The following NAV2 variants were observed in gnomAD, a reference collection of about 807,000 sequenced individuals.
NAV2 encodes neuron navigator 2, also known as helicase, APC down-regulated 1.
Under a neutral mutation model 223.2 loss-of-function variants are expected in NAV2, and 54 were observed. The ratio of observed to expected loss-of-function variants is 0.24; its 90% CI spans 0.19 to 0.30. The LOEUF is 0.30. NAV2 is among the 10% of genes least tolerant of loss of function. The probability of loss-of-function intolerance (pLI) is 1.00; values close to 1 mark genes in which losing one functional copy is unlikely to be tolerated. For synonymous variants in NAV2, 1,279 were observed against 1,239.3 expected (o/e 1.03, Z -0.67); for missense variants, 2,806 against 3,147.5 (o/e 0.89, Z 2.60).
At position 19,457,119 on chromosome 11, in the gene NAV2, GACA is replaced by G. The variant is rs60731818; in HGVS notation, c.75+106096_75+106098del. On this transcript the variant is annotated intron_variant, in intron 1 of 37. Transcript: ENST00000360655. ...CAGGGATACAGGGATAAGTGAGACA[GACA>G]ACATCTCTACTCTCATAGAGTTTAT... Among the ~76,000 whole-genome samples the G allele has an allele frequency of 2.4e-3, 361 of 152,312 alleles. 1 individual carries two copies. The highest frequency in any genetic ancestry group is 8.4e-3 in the African/African-American group (350 of 41,560).
chr11:20,047,890 A>T (rs1026757912), intron 14 of NAV2, among the ~76,000 whole-genome samples: 1 of 152,226 alleles, frequency 6.6e-6, no homozygotes, highest in South Asian at 2.1e-4. Flanking sequence ...GAGCCTTTGC[A>T]TTACTAGAAT....
rs1391834415 is a variant in NAV2 at position 19,695,490 on chromosome 11, A to C, written c.76-136994A>C. The stretch of plus-strand genomic sequence containing the variant: ...ATCCTGACTTCAGGTCATTCTATGC[A>C]TTTTAATACAGCCTAGCTGTCCTGG... On this transcript the variant is annotated intron_variant, in intron 1 of 37. Transcript: ENST00000360655. Among the ~76,000 whole-genome samples, 4 of 151,798 alleles carry C rather than the reference A, an allele frequency of 2.6e-5. No homozygotes were observed. The East Asian group carries it at 7.8e-4, about 29-fold the overall frequency.
chr11:19,721,331 A>G (rs1178761745), intron 1 of NAV2, among the ~76,000 whole-genome samples: 1 of 152,198 alleles, frequency 6.6e-6, no homozygotes, highest in Non-Finnish European at 1.5e-5. Flanking sequence ...TTGCTTAATC[A>G]TATTGGTTGA....
intron 1 of NAV2, among the ~76,000 whole-genome samples, chr11:19,405,929 T>G (rs78348500): frequency 0.1 from 15,907 of 152,234 alleles, 993 homozygotes; most frequent in Admixed American, 0.15. Flanking sequence ...CATAATTATC[T>G]TGGTTTGGAT....
intron 1 of NAV2, among the ~76,000 whole-genome samples, chr11:19,637,867 G>C (rs1164674503): frequency 1.3e-5 from 2 of 152,220 alleles, no homozygotes; most frequent in African/African-American, 4.8e-5. Flanking sequence ...AACTATATCA[G>C]GATTCTTCAT....
At chr11:20,103,520 C>A in intron 33 of NAV2, 111 bp downstream of exon 33, 1 of 1,493,740 alleles carries the variant, frequency 6.7e-7, no homozygotes, top group Non-Finnish European at 9.2e-7. Context: ...GCTGTGCACA[C>A]GCATAGGGTT....
rs115542665 is a variant in NAV2 at position 19,542,831 on chromosome 11, G to A, written c.75+191804G>A. On this transcript the variant is annotated intron_variant, in intron 1 of 37. Transcript: ENST00000360655. ...CTAGAAGGCAAGAGCCAGGAGGTCC[G>A]CCTGACTCAGACTGTGAGCACCACC... Among the ~76,000 whole-genome samples the A allele has an allele frequency of 9.2e-3, 1,408 of 152,324 alleles. 18 individuals carry two copies. The highest frequency in any genetic ancestry group is 0.032 in the African/African-American group (1,336 of 41,568).
chr11:19,883,979 A>G (rs1342929449), intron 5 of NAV2, among the ~76,000 whole-genome samples: 1 of 152,254 alleles, frequency 6.6e-6, no homozygotes, highest in Non-Finnish European at 1.5e-5. Flanking sequence ...AAGTTTGTTT[A>G]CTTGTGAGGG....
At chr11:19,635,930 A>G (rs748880228) in intron 1 of NAV2, among the ~76,000 whole-genome samples, 4 of 152,232 alleles carry the variant, frequency 2.6e-5, no homozygotes, top group Non-Finnish European at 5.9e-5. Flanking sequence ...GGGGGTGTTA[A>G]AAGTCCTAAA....
At chr11:19,896,916 A>G (rs1215102442) in intron 6 of NAV2, among the ~76,000 whole-genome samples, 1 of 152,222 alleles carries the variant, frequency 6.6e-6, no homozygotes, top group South Asian at 2.1e-4. Flanking sequence ...TCATGCTGCT[A>G]TAAAGACACA....
At chr11:19,785,864 A>G (rs1431004764) in intron 1 of NAV2, among the ~76,000 whole-genome samples, 1 of 152,148 alleles carries the variant, frequency 6.6e-6, no homozygotes, top group Non-Finnish European at 1.5e-5. Flanking sequence ...ACCCCAGACA[A>G]CTTGGGGACA....
At chr11:19,724,472 C>G (rs530870230) in intron 1 of NAV2, among the ~76,000 whole-genome samples, 166 of 152,272 alleles carry the variant, frequency 1.1e-3, no homozygotes, top group African/African-American at 3.8e-3. Context: ...CTCAGCCTCC[C>G]AAGTAGCTGG....
intron 1 of NAV2, among the ~76,000 whole-genome samples, chr11:19,528,453 A>C (rs1319749856): frequency 1.3e-5 from 2 of 152,110 alleles, no homozygotes; most frequent in Non-Finnish European, 2.9e-5. Context: ...CATTTCTCAT[A>C]CACACTGTCT....
chr11:20,038,892 G>A (rs1049251763), intron 12 of NAV2, among the ~76,000 whole-genome samples: 6 of 152,186 alleles, frequency 3.9e-5, no homozygotes, highest in Non-Finnish European at 8.8e-5. Context: ...CTAAGAAACA[G>A]CCTCGTATAG....
chr11:19,568,255 G>A (rs2045328195), intron 1 of NAV2, among the ~76,000 whole-genome samples: 2 of 152,198 alleles, frequency 1.3e-5, no homozygotes, highest in Admixed American at 1.3e-4. Flanking sequence ...GGCTGTCTTT[G>A]GGGGCTCAGA....
chr11:19,934,951 A>G (rs1156239170), intron 7 of NAV2, among the ~76,000 whole-genome samples: 1 of 152,132 alleles, frequency 6.6e-6, no homozygotes, highest in Non-Finnish European at 1.5e-5. Context: ...CCTCAGGACC[A>G]TGGGAGACTG....
At chr11:19,643,363 G>A (rs1468918290) in intron 1 of NAV2, among the ~76,000 whole-genome samples, 3 of 133,210 alleles carry the variant, frequency 2.3e-5, no homozygotes, top group Non-Finnish European at 4.5e-5. Flanking sequence ...CCCTTCCTGT[G>A]TCCATGTGTT....
intron 1 of NAV2, among the ~76,000 whole-genome samples, chr11:19,829,497 A>G (rs777400647): frequency 6.6e-6 from 1 of 152,240 alleles, no homozygotes; most frequent in Non-Finnish European, 1.5e-5. Flanking sequence ...AGCTGTTAAT[A>G]AAATTTTTTA....
At chr11:19,431,925 CG>C (rs1564931618) in intron 1 of NAV2, among the ~76,000 whole-genome samples, 1 of 152,172 alleles carries the variant, frequency 6.6e-6, no homozygotes, top group Non-Finnish European at 1.5e-5. Flanking sequence ...AGACTGGGTG[CG>C]GTGGCTCATG....
Sources: allele counts gnomAD v4.1 joint callset (sites outside exome capture counted in the v4.1 genomes callset), GRCh38; gene constraint gnomAD v4.1.1; transcripts MANE v1.5; gene names NCBI Gene and HGNC (gene_info 2026-07-23, HGNC 2026-07-21).